Variants in DNAH14 observed in about 807,000 individuals in gnomAD.
DNAH14 encodes the protein dynein axonemal heavy chain 14, also known as axonemal beta dynein heavy chain 14.
DNAH14 carries 478 observed loss-of-function variants against 520.9 expected under a neutral mutation model. That is an observed-to-expected ratio of 0.92 (90% CI 0.85 to 0.99). The LOEUF (loss-of-function observed/expected upper bound fraction) is 0.99, where lower values mean the gene tolerates loss of function less well. Ranked by LOEUF, DNAH14 falls within the 50% of genes least tolerant of loss-of-function variation. The probability of loss-of-function intolerance (pLI) is 0.00; values close to 1 mark genes in which losing one functional copy is unlikely to be tolerated. For missense variants in DNAH14, 4,831 were observed against 5,234.5 expected, an observed-to-expected ratio of 0.92 and a Z score of 2.38; for synonymous variants, 1,581 against 1,757.2, an observed-to-expected ratio of 0.90 and a Z score of 2.51.
rs145986629 is a variant in DNAH14 at position 225,161,666 on chromosome 1, G to A, written c.5445+2181G>A. Among the ~76,000 whole-genome samples, 1,089 of 152,226 alleles carry A rather than the reference G, an allele frequency of 7.2e-3. 9 individuals carry two copies. Among genetic ancestry groups the A allele is most frequent in the African/African-American group, 0.025 (1,020 of 41,538 alleles). On this transcript the variant is annotated intron_variant, in intron 35 of 85. Coordinates refer to ENST00000682510, the MANE Select transcript of DNAH14 (RefSeq NM_001367479.1). ...TTCCCTTTTCTCCACATCCTCACCA[G>A]CATTTGTTATTGCCTCTCTTTGGAT...
In DNAH14 at chr1:225,051,137, C is replaced by A. The variant is rs368996317; in HGVS notation, c.2080-314C>A. On this transcript the variant is annotated intron_variant, in intron 16 of 85. Transcript: ENST00000682510. ...AGGACTGGCCTTTTCTAGGGCTAAGCGTAGTATACTCTAAAACAGGGTAAT... is the reference window on the plus strand; with the variant it reads ...AGGACTGGCCTTTTCTAGGGCTAAGAGTAGTATACTCTAAAACAGGGTAAT... 4.0e-4 allele frequency among the ~76,000 whole-genome samples: 61 copies of A among 152,130 alleles called. 1 individual carries two copies. In the South Asian group the frequency reaches 0.012, roughly 31 times the overall value.
At chr1:225,088,316 G>A (rs1250479655) in intron 21 of DNAH14, among the ~76,000 whole-genome samples, 1 of 152,110 alleles carries the variant, frequency 6.6e-6, no homozygotes, top group Non-Finnish European at 1.5e-5. Context: ...GTTAAGTAGA[G>A]AGGTAAAAAT....
intron 12 of DNAH14, among the ~76,000 whole-genome samples, chr1:225,040,934 T>C (rs540018223): frequency 3.7e-4 from 57 of 152,362 alleles, no homozygotes; most frequent in African/African-American, 1.3e-3. Flanking sequence ...AAGTTTTAAT[T>C]TGAATTTCCC....
At chr1:225,196,376 G>A (rs960705661) in intron 38 of DNAH14, among the ~76,000 whole-genome samples, 3 of 152,138 alleles carry the variant, frequency 2.0e-5, no homozygotes, top group African/African-American at 4.8e-5. Context: ...GTATTCCATA[G>A]TATACATATA....
chr1:225,073,930 C>G (rs1351107281), intron 17 of DNAH14, among the ~76,000 whole-genome samples: 1 of 151,342 alleles, frequency 6.6e-6, no homozygotes, highest in Non-Finnish European at 1.5e-5. Flanking sequence ...ATCCACCTGC[C>G]TCGGCCTCCC....
intron 56 of DNAH14, among the ~76,000 whole-genome samples, chr1:225,302,612 G>T (rs898815107): frequency 1.3e-5 from 2 of 152,166 alleles, no homozygotes; most frequent in Non-Finnish European, 2.9e-5. Flanking sequence ...CAGCAGCACA[G>T]CCAGGTCTTA....
At chr1:225,202,384 G>A (rs752246155) in intron 38 of DNAH14, among the ~76,000 whole-genome samples, 7 of 152,150 alleles carry the variant, frequency 4.6e-5, no homozygotes, top group Non-Finnish European at 1.0e-4. Flanking sequence ...GTGGGGGATA[G>A]GAGTATGGTT....
At chr1:225,105,978 C>CCTCT (rs537587272) in intron 23 of DNAH14, among the ~76,000 whole-genome samples, 1 of 104,488 alleles carries the variant, frequency 9.6e-6, no homozygotes, top group Non-Finnish European at 1.8e-5. Context: ...TTTCTTCCTG[C>CCTCT]ATGGTCTTTA....
intron 7 of DNAH14, among the ~76,000 whole-genome samples, 182 bp from the exon 8 acceptor site, chr1:224,973,909 G>A (rs1260325089): frequency 6.6e-6 from 1 of 151,998 alleles, no homozygotes; most frequent in Non-Finnish European, 1.5e-5. Flanking sequence ...TTTACCTTTT[G>A]CTCTATATTC....
intron 54 of DNAH14, among the ~76,000 whole-genome samples, chr1:225,283,238 A>G (rs1321261441): frequency 6.6e-6 from 1 of 152,030 alleles, no homozygotes; most frequent in Non-Finnish European, 1.5e-5. Context: ...AGATTATAAA[A>G]CTAGATTTTT....
At chr1:225,197,208 G>T (rs2086257639) in intron 38 of DNAH14, among the ~76,000 whole-genome samples, 1 of 152,072 alleles carries the variant, frequency 6.6e-6, no homozygotes, top group African/African-American at 2.4e-5. Flanking sequence ...ATCTTGAGTT[G>T]ATTTTTATAT....
rs759838671 is a variant in DNAH14 at position 225,167,986 on chromosome 1, A to C, written c.5493A>C (p.Ser1831=). ...AGCAATTGGGTTTACAAAACTGGTC[A>C]TCTCAGAAAGAGAAGATTATACAGT... The part of the protein sequence containing the change: ...ATQQLGLQNW[S]SQKEKIIQFY... Residue 1831 remains serine (S), a synonymous_variant, in exon 36 of 86, where the codon TCA becomes TCC. Transcript: ENST00000682510. The C allele has an allele frequency of 2.6e-6, 4 of 1,540,258 alleles. No individual in the cohort carries two copies. The East Asian group carries it at 7.4e-5, about 28-fold the overall frequency.
intron 10 of DNAH14, among the ~76,000 whole-genome samples, chr1:225,016,791 G>C (rs76393468): frequency 0.058 from 8,721 of 150,878 alleles, 343 homozygotes; most frequent in Non-Finnish European, 0.078. Flanking sequence ...CGGTCTTCAG[G>C]TTCAGAAATT....
chr1:224,980,432 T>C (rs1052075859), intron 8 of DNAH14, among the ~76,000 whole-genome samples: 2 of 152,088 alleles, frequency 1.3e-5, no homozygotes, highest in African/African-American at 4.8e-5. Flanking sequence ...AAGGACTTTG[T>C]CTTGTGGTTT....
In DNAH14 at chr1:225,304,921, A is replaced by C. The variant is rs1038206509; in HGVS notation, c.8837A>C (p.Lys2946Thr). 5.3e-6 allele frequency: 8 copies of C among 1,511,996 alleles called. No individual in the cohort carries two copies. The highest frequency in any genetic ancestry group is 6.2e-6 in the Non-Finnish European group (7 of 1,137,414). 93.7% of individuals were successfully genotyped at this position (1,511,996 alleles called of 1,614,324 possible). ...ATTATTCTTCAGAACTTGAAAGAAA[A>C]ACTTGCCCCAACATGTGTCCAAATC... The part of the protein sequence containing the change: ...NFENRENLKE[K>T]LAPTCVQIHK... Residue 2946 changes from lysine (K) to threonine (T), a missense_variant, in exon 58 of 86, where the codon AAA (lysine) becomes ACA (threonine). Lys to Thr is a moderately conservative substitution (Grantham distance 78). Transcript: ENST00000682510.
At chr1:225,040,569 C>T (rs2067387840) in intron 12 of DNAH14, among the ~76,000 whole-genome samples, 1 of 152,090 alleles carries the variant, frequency 6.6e-6, no homozygotes, top group South Asian at 2.1e-4. Flanking sequence ...TCCTATTCAT[C>T]CTTTATTGAT....
At chr1:225,304,428 C>T (rs555337352) in intron 57 of DNAH14, among the ~76,000 whole-genome samples, 23 of 151,878 alleles carry the variant, frequency 1.5e-4, no homozygotes, top group Admixed American at 1.4e-3. Context: ...TGTGGTGGCA[C>T]ACATCTGTAG....
At chr1:224,974,207 C>A in intron 8 of DNAH14, 54 bp downstream of exon 8, 1 of 1,170,050 alleles carries the variant, frequency 8.5e-7, no homozygotes, top group Non-Finnish European at 1.2e-6. Flanking sequence ...GTATGTTTTA[C>A]ATGTACTATG....
rs148253289 is a variant in DNAH14, at chr1:225,265,956, G to A, written c.7410+587G>A. Among the ~76,000 whole-genome samples, 532 of 151,962 alleles carry A rather than the reference G, an allele frequency of 3.5e-3. 3 individuals carry two copies. The highest frequency in any genetic ancestry group is 0.012 in the African/African-American group (515 of 41,470). On this transcript the variant is annotated intron_variant, in intron 48 of 85. Transcript: ENST00000682510. ...TATATATATTGACAGTTACAAATTA[G>A]GTAATTACATAATTCCAAACATATG... is the stretch of plus-strand genomic sequence containing the variant.
Sources: allele counts gnomAD v4.1 joint callset (sites outside exome capture counted in the v4.1 genomes callset), GRCh38; gene constraint gnomAD v4.1.1; transcripts MANE v1.5; gene names NCBI Gene and HGNC (gene_info 2026-07-23, HGNC 2026-07-21).